SMURF1: variants seen among roughly 807,000 people sequenced by gnomAD.
SMURF1 encodes the protein SMAD specific E3 ubiquitin protein ligase 1, also known as E3 ubiquitin-protein ligase SMURF1.
Under a neutral mutation model 98.0 loss-of-function variants are expected in SMURF1, and 44 were observed. That is an observed-to-expected ratio of 0.45 (90% CI 0.35 to 0.58). The LOEUF is 0.58. Ranked by LOEUF, SMURF1 falls within the 20% of genes least tolerant of loss-of-function variation. SMURF1 has a pLI of 0.00. For synonymous variants in SMURF1, 396 were observed against 374.9 expected (o/e 1.06, Z -0.65); for missense variants, 687 against 938.4 (o/e 0.73, Z 3.50).
intron 1 of SMURF1, among the ~76,000 whole-genome samples, chr7:99,094,808 T>G (rs887808367): frequency 6.6e-6 from 1 of 152,202 alleles, no homozygotes; most frequent in African/African-American, 2.4e-5. Context: ...TTTTGCAGTT[T>G]CATGACTAAA....
At position 99,045,787 on chromosome 7, in the gene SMURF1, C is replaced by T; in HGVS notation, c.1167G>A (p.Gln389=). Reference sequence around the variant, plus strand: ...AGTCTTTCGGTCGCATCTTCATTATCTGGCGGTAAGACTCCTGAAGAGCAA... The same window carrying T: ...AGTCTTTCGGTCGCATCTTCATTATTTGGCGGTAAGACTCCTGAAGAGCAA... The part of the protein sequence containing the change: ...REEIFEESYR[Q]IMKMRPKDLK... The change falls in exon 11 of 18, where the codon CAG becomes CAA. Residue 389 remains glutamine, a synonymous_variant. Coordinates refer to ENST00000361368, the MANE Select transcript of SMURF1 (RefSeq NM_181349.3). 6.2e-7 allele frequency: 1 copy of T among 1,613,948 alleles called. No individual in the cohort carries two copies. The highest frequency in any genetic ancestry group is 8.5e-7 in the Non-Finnish European group (1 of 1,179,758).
chr7:99,054,987 G>A, intron 5 of SMURF1, 122 bp from the exon 6 acceptor site: 2 of 795,658 alleles, frequency 2.5e-6, no homozygotes, highest in Admixed American at 2.0e-5. Flanking sequence ...ATATGTGTAT[G>A]CATACACACA....
At position 99,061,278 on chromosome 7, in the gene SMURF1, G is replaced by A. The variant is rs192421666; in HGVS notation, c.94+521C>T. ...TTAAGAACTGAAAGATGTCTTGTGA[G>A]GATCAGAAAGTGTGTGAAGAATTTA... On this transcript the variant is annotated intron_variant, in intron 2 of 17. Coordinates refer to ENST00000361368, the MANE Select transcript of SMURF1 (RefSeq NM_181349.3). Among the ~76,000 whole-genome samples the A allele has an allele frequency of 6.5e-4, 99 of 152,334 alleles. 1 individual carries two copies. The highest frequency in any genetic ancestry group is 3.4e-3 in the Middle Eastern group (1 of 294).
At chr7:99,035,176 A>G (rs73709530) in intron 16 of SMURF1, among the ~76,000 whole-genome samples, 13,790 of 152,226 alleles carry the variant, frequency 0.091, 705 homozygotes, top group East Asian at 0.24. Context: ...CGGTTCCCCC[A>G]TAGCTCCCTC....
At chr7:99,141,107 G>C (rs994816989) in intron 1 of SMURF1, among the ~76,000 whole-genome samples, 3 of 152,164 alleles carry the variant, frequency 2.0e-5, no homozygotes, top group Admixed American at 1.3e-4. Context: ...AAAGGGAAAG[G>C]GAAAAGGTGT....
rs1012764751 is a variant in SMURF1 at position 99,044,295 on chromosome 7, G to C, written c.1256+1403C>G. ...CCAGTGGACTCCAGCCTGGGCCATA[G>C]AGTGAGATGCTGTCTCCAGAAAAAA... is the stretch of plus-strand genomic sequence containing the variant. On this transcript the variant is annotated intron_variant, in intron 11 of 17. Transcript: ENST00000361368. Among the ~76,000 whole-genome samples, 6 of 152,190 alleles carry C rather than the reference G, an allele frequency of 3.9e-5. No homozygotes were observed. In the East Asian group the frequency reaches 9.6e-4, roughly 24 times the overall value.
chr7:99,032,881 CCTT>C, intron 17 of SMURF1, 153 bp downstream of exon 17: 2 of 952,830 alleles, frequency 2.1e-6, no homozygotes, highest in South Asian at 1.6e-5. Context: ...TAGAATTTCT[CCTT>C]CTGTCTCAGG....
At chr7:99,124,032 G>A (rs1797697249) in intron 1 of SMURF1, among the ~76,000 whole-genome samples, 1 of 152,190 alleles carries the variant, frequency 6.6e-6, no homozygotes, top group Non-Finnish European at 1.5e-5. Flanking sequence ...GGTATGTGGT[G>A]GAACTGGGTT....
At chr7:99,126,268 CTTAATA>C (rs202141148) in intron 1 of SMURF1, among the ~76,000 whole-genome samples, 2,313 of 151,908 alleles carry the variant, frequency 0.015, 47 homozygotes, top group African/African-American at 0.05. Context: ...AATTATAAGC[CTTAATA>C]TTAAAGAATC....
chr7:99,056,530 T>C (rs568162522), intron 5 of SMURF1, among the ~76,000 whole-genome samples: 1 of 152,330 alleles, frequency 6.6e-6, no homozygotes, highest in African/African-American at 2.4e-5. Context: ...ACATATATGA[T>C]GGGGCTTCCA....
intron 1 of SMURF1, among the ~76,000 whole-genome samples, chr7:99,078,280 C>T (rs1055974154): frequency 8.8e-6 from 1 of 113,460 alleles, no homozygotes; most frequent in African/African-American, 3.4e-5. Context: ...CCAGCCTGGG[C>T]GAAAAAAAAA....
intron 1 of SMURF1, among the ~76,000 whole-genome samples, chr7:99,096,895 G>A (rs10231389): frequency 2.1e-4 from 32 of 152,180 alleles, no homozygotes; most frequent in African/African-American, 7.5e-4. Context: ...AATAGAAATC[G>A]TAGCAAACTG....
At chr7:99,089,450 G>A (rs1329888889) in intron 1 of SMURF1, among the ~76,000 whole-genome samples, 2 of 151,724 alleles carry the variant, frequency 1.3e-5, no homozygotes, top group African/African-American at 2.4e-5. Context: ...ATCAGCCTGG[G>A]AAACATGGTG....
intron 6 of SMURF1, among the ~76,000 whole-genome samples, chr7:99,053,082 A>G (rs1192483438): frequency 6.6e-6 from 1 of 152,038 alleles, no homozygotes; most frequent in Non-Finnish European, 1.5e-5. Context: ...TCATATCCAA[A>G]TACTCCATTT....
chr7:99,067,897 T>G (rs1200934072), intron 1 of SMURF1, among the ~76,000 whole-genome samples: 80 of 152,094 alleles, frequency 5.3e-4, no homozygotes, highest in Admixed American at 5.2e-3. Flanking sequence ...GAGGTTGCAG[T>G]GAGCCAAGAT....
At chr7:99,052,028 A>G (rs1393479259) in intron 7 of SMURF1, among the ~76,000 whole-genome samples, 177 bp downstream of exon 7, 1 of 152,130 alleles carries the variant, frequency 6.6e-6, no homozygotes, top group Non-Finnish European at 1.5e-5. Context: ...TATGCCTATA[A>G]GCCCAGCTAC....
At chr7:99,045,470 T>C in intron 11 of SMURF1, 1 of 500,588 alleles carries the variant, frequency 2.0e-6, no homozygotes. Context: ...GTGGTGACAA[T>C]CACGGATATT....
chr7:99,048,042 C>A lies in SMURF1; in HGVS notation c.954-160G>T, dbSNP rs937399646. On this transcript the variant is annotated intron_variant, in intron 9 of 17. Transcript: ENST00000361368. ...TAACCAGGTACCTAGCTAGCTGTGT[C>A]AAACTTGCTGATGGCCACATTAGCC... is the stretch of plus-strand genomic sequence containing the variant. 7.5e-6 allele frequency: 5 copies of A among 668,964 alleles called. No homozygotes were observed. The African/African-American group carries it at 9.0e-5, about 12-fold the overall frequency. 41.4% of individuals were successfully genotyped at this position (668,964 alleles called of 1,614,324 possible).
chr7:99,112,618 A>G (rs1490361728), intron 1 of SMURF1, among the ~76,000 whole-genome samples: 1 of 152,224 alleles, frequency 6.6e-6, no homozygotes, highest in African/African-American at 2.4e-5. Flanking sequence ...ACTATGGCCT[A>G]TACCCAGAAA....
Sources: allele counts gnomAD v4.1 joint callset (sites outside exome capture counted in the v4.1 genomes callset), GRCh38; gene constraint gnomAD v4.1.1; transcripts MANE v1.5; gene names NCBI Gene and HGNC (gene_info 2026-07-23, HGNC 2026-07-21).